Variants in SNTG1 observed in about 807,000 individuals in gnomAD.
SNTG1 encodes the protein syntrophin gamma 1.
Under a neutral mutation model 74.7 loss-of-function variants are expected in SNTG1, and 39 were observed. The observed-to-expected ratio is 0.52, with a 90% CI of 0.40 to 0.68. SNTG1 has a LOEUF of 0.68. Ranked by LOEUF, SNTG1 falls within the 30% of genes least tolerant of loss-of-function variation. The pLI is 0.00. For synonymous variants in SNTG1, 254 were observed against 217.1 expected (o/e 1.17, Z -1.49); for missense variants, 685 against 609.5 (o/e 1.12, Z -1.30).
intron 1 of SNTG1, among the ~76,000 whole-genome samples, chr8:49,917,428 A>T (rs1241656607): frequency 6.6e-6 from 1 of 152,190 alleles, no homozygotes; most frequent in Non-Finnish European, 1.5e-5. Flanking sequence ...TGTTATAGAA[A>T]TGGCATTAAT....
rs759494093 is a variant in SNTG1, at chr8:50,536,791, C to A, written c.663C>A (p.Pro221=). Residue 221 remains proline, a synonymous_variant, in exon 11 of 19, where the codon CCC becomes CCA. Transcript: ENST00000642720. ...ATTCGCGCTTCTCTCAGTATGTGCC[C>A]GGCACAGATTTGAGTCGGTGAGTCC... ...LLHSRFSQYV[P]GTDLSRQNAF... 3.1e-6 allele frequency: 5 copies of A among 1,613,888 alleles called. No homozygotes were observed. In the South Asian group the frequency reaches 5.5e-5, roughly 18 times the overall value.
intron 1 of SNTG1, among the ~76,000 whole-genome samples, chr8:50,038,934 T>A (rs2130802353): frequency 6.6e-6 from 1 of 152,268 alleles, no homozygotes; most frequent in African/African-American, 2.4e-5. Context: ...TCATGCCCCA[T>A]CAGGTTGCAT....
rs571628736 is a variant in SNTG1 at position 50,149,199 on chromosome 8, G to T, written c.-102-23362G>T. On this transcript the variant is annotated intron_variant, in intron 1 of 18. Coordinates refer to ENST00000642720, the MANE Select transcript of SNTG1 (RefSeq NM_018967.5). ...CTGCATAAATGTCTTCTTTTGAGAA[G>T]TGTCTGTTCATATCCTTCACCCACT... 4.6e-5 allele frequency among the ~76,000 whole-genome samples: 7 copies of T among 152,330 alleles called. No homozygotes were observed. The East Asian group carries it at 1.3e-3, about 29-fold the overall frequency.
chr8:50,695,065 G>A (rs2095398955), intron 15 of SNTG1, among the ~76,000 whole-genome samples: 1 of 151,864 alleles, frequency 6.6e-6, no homozygotes, highest in African/African-American at 2.4e-5. Context: ...ATTCATTATA[G>A]TGTTGAAGGT....
intron 1 of SNTG1, among the ~76,000 whole-genome samples, chr8:50,074,261 C>T (rs1365632911): frequency 6.6e-6 from 1 of 152,158 alleles, no homozygotes; most frequent in Non-Finnish European, 1.5e-5. Context: ...TGAATCAGCA[C>T]CTGCTAGCTT....
chr8:50,581,715 T>C (rs1055615128), intron 12 of SNTG1, among the ~76,000 whole-genome samples: 13 of 152,306 alleles, frequency 8.5e-5, no homozygotes, highest in Non-Finnish European at 1.5e-4. Context: ...TGGAAGCTTT[T>C]ATTGGCACAA....
intron 1 of SNTG1, among the ~76,000 whole-genome samples, chr8:50,077,672 G>C (rs1168533637): frequency 1.3e-5 from 2 of 152,094 alleles, no homozygotes; most frequent in Non-Finnish European, 2.9e-5. Flanking sequence ...ACCATCATTA[G>C]AACTAAATTT....
intron 1 of SNTG1, among the ~76,000 whole-genome samples, chr8:50,110,284 C>T (rs1283186992): frequency 2.0e-5 from 3 of 152,098 alleles, no homozygotes; most frequent in Admixed American, 1.3e-4. Context: ...AGCATGGATG[C>T]TTTGAGTGGT....
At chr8:50,076,200 C>T (rs1821869814) in intron 1 of SNTG1, among the ~76,000 whole-genome samples, 1 of 152,146 alleles carries the variant, frequency 6.6e-6, no homozygotes, top group South Asian at 2.1e-4. Flanking sequence ...CTTGAGCCAG[C>T]AAATTCCACA....
At chr8:50,599,590 G>C (rs1294458554) in intron 13 of SNTG1, among the ~76,000 whole-genome samples, 4 of 151,728 alleles carry the variant, frequency 2.6e-5, no homozygotes, top group African/African-American at 9.7e-5. Flanking sequence ...TGTTATTTGT[G>C]ACTATTACAA....
chr8:50,159,031 C>T (rs1281372378), intron 1 of SNTG1, among the ~76,000 whole-genome samples: 3 of 152,066 alleles, frequency 2.0e-5, no homozygotes, highest in South Asian at 2.1e-4. Flanking sequence ...GTGTTGTGAA[C>T]GGAATGTGCC....
intron 18 of SNTG1, among the ~76,000 whole-genome samples, chr8:50,788,373 G>A (rs2095681808): frequency 6.6e-6 from 1 of 152,140 alleles, no homozygotes; most frequent in Non-Finnish European, 1.5e-5. Flanking sequence ...ACTCACTTGA[G>A]TTATGGTTTA....
At chr8:50,214,158 A>T (rs993273244) in intron 2 of SNTG1, among the ~76,000 whole-genome samples, 46 of 150,700 alleles carry the variant, frequency 3.1e-4, no homozygotes, top group Non-Finnish European at 6.1e-4. Context: ...TATCACAAGA[A>T]CAAAAAACCA....
intron 1 of SNTG1, among the ~76,000 whole-genome samples, chr8:49,924,256 T>A (rs576900786): frequency 5.8e-4 from 88 of 152,322 alleles, no homozygotes; most frequent in African/African-American, 1.9e-3. Context: ...ATTATGACTT[T>A]CATAAAGAAA....
chr8:50,059,103 G>A (rs964680566), intron 1 of SNTG1, among the ~76,000 whole-genome samples: 2 of 152,098 alleles, frequency 1.3e-5, no homozygotes, highest in East Asian at 1.9e-4. Context: ...TTTCTGAGTA[G>A]TATTCCATAG....
intron 2 of SNTG1, among the ~76,000 whole-genome samples, chr8:50,268,426 A>T (rs946624975): frequency 6.6e-5 from 10 of 152,172 alleles, no homozygotes; most frequent in Non-Finnish European, 1.3e-4. Context: ...TTTTAAATAG[A>T]CATAAAATAA....
intron 18 of SNTG1, among the ~76,000 whole-genome samples, chr8:50,784,994 G>A (rs1307546260): frequency 6.6e-6 from 1 of 151,848 alleles, no homozygotes; most frequent in African/African-American, 2.4e-5. Context: ...ATAAATTATT[G>A]GGAGATAAAT....
chr8:50,632,737 G>A (rs1045829211), intron 13 of SNTG1, among the ~76,000 whole-genome samples: 11 of 152,170 alleles, frequency 7.2e-5, no homozygotes, highest in African/African-American at 2.7e-4. Flanking sequence ...AAACTAGTAA[G>A]ATGCATGCCT....
At chr8:50,017,893 A>G (rs760084391) in intron 1 of SNTG1, among the ~76,000 whole-genome samples, 12 of 152,034 alleles carry the variant, frequency 7.9e-5, no homozygotes, top group Non-Finnish European at 1.2e-4. Context: ...GAAGACTTGA[A>G]CAACACTATG....
Sources: gnomAD v4.1 joint callset for allele counts (sites outside exome capture counted in the v4.1 genomes callset) on GRCh38, gnomAD v4.1.1 for gene constraint, MANE v1.5 for transcripts, NCBI Gene and HGNC (gene_info 2026-07-23, HGNC 2026-07-21) for gene names.